PDE10A: variants seen among roughly 807,000 people sequenced by gnomAD.
PDE10A encodes the protein cAMP and cAMP-inhibited cGMP 3',5'-cyclic phosphodiesterase 10A.
A neutral mutation model predicts 97.7 loss-of-function variants in PDE10A; 39 were observed. That is an observed-to-expected ratio of 0.40 (90% confidence interval 0.31 to 0.52). PDE10A has a LOEUF of 0.52. Among genes scored for constraint, PDE10A ranks in the 20% least tolerant of loss-of-function variants. PDE10A has a pLI of 0.56. For synonymous variants in PDE10A, 371 were observed against 376.8 expected, an observed-to-expected ratio of 0.98 and a Z score of 0.18; for missense variants, 731 against 1,047.8, an observed-to-expected ratio of 0.70 and a Z score of 4.17.
intron 1 of PDE10A, chr6:165,949,534 G>A (rs1783886085): frequency 6.6e-6 from 1 of 152,054 alleles, no homozygotes; most frequent in Non-Finnish European, 1.5e-5. Context: ...GCCACAGACT[G>A]GTGCAACACG....
intron 1 of PDE10A, among the ~76,000 whole-genome samples, chr6:165,893,865 T>C (rs6456027): frequency 0.46 from 69,376 of 150,032 alleles, 16,301 homozygotes; most frequent in East Asian, 0.66. Flanking sequence ...CAAGATGGTG[T>C]CATGTTAGCT....
intron 3 of PDE10A, among the ~76,000 whole-genome samples, chr6:165,457,418 T>C (rs1331676880): frequency 6.6e-6 from 1 of 152,208 alleles, no homozygotes; most frequent in Non-Finnish European, 1.5e-5. Context: ...TCCACGCTGA[T>C]TTCATGTAGT....
intron 1 of PDE10A, among the ~76,000 whole-genome samples, chr6:165,893,030 A>G (rs534125927): frequency 1.2e-4 from 19 of 152,276 alleles, no homozygotes; most frequent in Admixed American, 6.5e-4. Flanking sequence ...GGTAGGATTT[A>G]AGCTTTTATG....
rs1791919881 is a variant in PDE10A, at chr6:165,712,501, C to T, written c.-614-168933G>A. Among the ~76,000 whole-genome samples the T allele has an allele frequency of 2.0e-5, 3 of 152,136 alleles. No homozygotes were observed. The South Asian group carries it at 6.2e-4, about 32-fold the overall frequency. On this transcript the variant is annotated intron_variant, in intron 1 of 19. Coordinates refer to the PDE10A transcript ENST00000366882. ...GGCCCCTGGCATCTTCCATTAAGAACTTGTTGGTTGTGAAACACCAAAGCG... is the reference window on the plus strand; with the variant it reads ...GGCCCCTGGCATCTTCCATTAAGAATTTGTTGGTTGTGAAACACCAAAGCG...
chr6:165,581,273 C>A (rs1464396539), intron 1 of PDE10A, among the ~76,000 whole-genome samples: 2 of 152,092 alleles, frequency 1.3e-5, no homozygotes, highest in Non-Finnish European at 2.9e-5. Context: ...TGTGTCCCCC[C>A]AAAATTCATA....
chr6:165,950,275 A>C (rs545758816), intron 1 of PDE10A, among the ~76,000 whole-genome samples: 1 of 152,362 alleles, frequency 6.6e-6, no homozygotes, highest in South Asian at 2.1e-4. Context: ...GTCTTTGTTA[A>C]ATGTTTTAAC....
intron 3 of PDE10A, among the ~76,000 whole-genome samples, chr6:165,471,685 T>A (rs1779018443): frequency 6.6e-6 from 1 of 152,152 alleles, no homozygotes. Context: ...ATCACATATC[T>A]GGATTAATCA....
At chr6:165,836,976 A>G (rs1780078790) in intron 1 of PDE10A, among the ~76,000 whole-genome samples, 1 of 147,296 alleles carries the variant, frequency 6.8e-6, no homozygotes, top group South Asian at 2.1e-4. Flanking sequence ...GCGTATTCTC[A>G]CTCACAGGTG....
At chr6:165,885,835 A>AT (rs1414444650) in intron 1 of PDE10A, among the ~76,000 whole-genome samples, 1 of 152,214 alleles carries the variant, frequency 6.6e-6, no homozygotes, top group East Asian at 1.9e-4. Context: ...ATGTGTATGC[A>AT]TATGTGTGTT....
chr6:165,939,103 A>G (rs556776101), intron 1 of PDE10A, among the ~76,000 whole-genome samples: 1 of 152,242 alleles, frequency 6.6e-6, no homozygotes, highest in Non-Finnish European at 1.5e-5. Flanking sequence ...TAAGATTTCT[A>G]GGAAGTGCTA....
At chr6:165,700,578 G>A (rs562461003) in intron 1 of PDE10A, among the ~76,000 whole-genome samples, 6 of 152,134 alleles carry the variant, frequency 3.9e-5, no homozygotes, top group Non-Finnish European at 8.8e-5. Context: ...TGCAGGTAAT[G>A]TTATATAAAA....
chr6:165,789,868 T>C (rs908219815), intron 1 of PDE10A, among the ~76,000 whole-genome samples: 1 of 152,198 alleles, frequency 6.6e-6, no homozygotes. Context: ...CACTATAATA[T>C]TGATAGTTTG....
chr6:165,617,476 T>G (rs1787780273), intron 1 of PDE10A, among the ~76,000 whole-genome samples: 1 of 152,154 alleles, frequency 6.6e-6, no homozygotes, highest in Admixed American at 6.5e-5. Flanking sequence ...CTCAAGTAGC[T>G]GGGCAATATG....
At chr6:165,849,519 C>T (rs985600097) in intron 1 of PDE10A, among the ~76,000 whole-genome samples, 5 of 152,252 alleles carry the variant, frequency 3.3e-5, no homozygotes, top group Non-Finnish European at 5.9e-5. Context: ...CTGTTCCTGA[C>T]ATATGTGGGT....
chr6:165,411,222 G>A (rs886119617), intron 13 of PDE10A, among the ~76,000 whole-genome samples: 1 of 151,414 alleles, frequency 6.6e-6, no homozygotes, highest in African/African-American at 2.4e-5. Context: ...CTGCAGATGA[G>A]ATAACAACAC....
chr6:165,538,813 T>G (rs1279723483), intron 2 of PDE10A, among the ~76,000 whole-genome samples: 1 of 152,214 alleles, frequency 6.6e-6, no homozygotes, highest in Non-Finnish European at 1.5e-5. Context: ...TATCCTAATG[T>G]TTATTTAATA....
chr6:165,792,784 G>A (rs765086345), intron 1 of PDE10A, among the ~76,000 whole-genome samples: 1 of 152,100 alleles, frequency 6.6e-6, no homozygotes, highest in Non-Finnish European at 1.5e-5. Context: ...GACCTAACAC[G>A]GTTAAAAGGT....
chr6:165,960,827 T>C (rs1784336020), intron 1 of PDE10A, among the ~76,000 whole-genome samples: 1 of 151,948 alleles, frequency 6.6e-6, no homozygotes, highest in African/African-American at 2.4e-5. Flanking sequence ...GAGCACTCTG[T>C]GTGAGTGAGT....
chr6:165,619,343 TCTA>T (rs1787930195), intron 1 of PDE10A, among the ~76,000 whole-genome samples: 1 of 150,252 alleles, frequency 6.7e-6, no homozygotes, highest in Non-Finnish European at 1.5e-5. Flanking sequence ...TGTAGTGTAG[TCTA>T]GTGTAGTGTA....
Sources: allele counts gnomAD v4.1 joint callset (sites outside exome capture counted in the v4.1 genomes callset), GRCh38; gene constraint gnomAD v4.1.1; transcripts MANE v1.5; gene names NCBI Gene and HGNC (gene_info 2026-07-23, HGNC 2026-07-21).